Variants in BCAT1 observed in about 807,000 individuals in gnomAD.
The protein encoded by BCAT1 is branched-chain-amino-acid aminotransferase, cytosolic.
A neutral mutation model predicts 52.4 loss-of-function variants in BCAT1; 48 were observed. The ratio of observed to expected loss-of-function variants is 0.92; its 90% confidence interval spans 0.73 to 1.16. The LOEUF (loss-of-function observed/expected upper bound fraction) is 1.16, where lower values mean the gene tolerates loss of function less well. BCAT1 is among the 50% of genes most tolerant of loss of function. BCAT1 has a pLI of 0.00. For missense variants in BCAT1, 451 were observed against 457.1 expected (o/e 0.99, Z 0.12); for synonymous variants, 167 against 161.3 (o/e 1.04, Z -0.27).
chr12:24,845,388 G>T (rs1941314674), intron 6 of BCAT1, among the ~76,000 whole-genome samples: 1 of 152,134 alleles, frequency 6.6e-6, no homozygotes, highest in Non-Finnish European at 1.5e-5. Flanking sequence ...AAAGACAACA[G>T]ATAGGAAGCT....
chr12:24,911,136 T>G (rs1943319061), intron 1 of BCAT1, among the ~76,000 whole-genome samples: 1 of 152,152 alleles, frequency 6.6e-6, no homozygotes, highest in Non-Finnish European at 1.5e-5. Flanking sequence ...TTAGTTATCA[T>G]GAAAAACATG....
intron 6 of BCAT1, among the ~76,000 whole-genome samples, chr12:24,846,907 G>A (rs1321532722): frequency 6.6e-6 from 1 of 152,120 alleles, no homozygotes; most frequent in Non-Finnish European, 1.5e-5. Flanking sequence ...AACAACCCTA[G>A]ACTTTATTGT....
intron 1 of BCAT1, among the ~76,000 whole-genome samples, chr12:24,912,583 G>A (rs4963820): frequency 0.32 from 48,568 of 151,564 alleles, 9,118 homozygotes; most frequent in Middle Eastern, 0.52. Flanking sequence ...GAGAAAATGG[G>A]GCCGGGCGTG....
At chr12:24,925,408 T>A (rs1419459167) in intron 1 of BCAT1, among the ~76,000 whole-genome samples, 2 of 151,900 alleles carry the variant, frequency 1.3e-5, no homozygotes, top group African/African-American at 4.8e-5. Flanking sequence ...TTAAAATAAA[T>A]CTCTCTCTCT....
At chr12:24,870,004 ATGTGTG>A (rs539712345) in intron 5 of BCAT1, among the ~76,000 whole-genome samples, 1 of 141,270 alleles carries the variant, frequency 7.1e-6, no homozygotes, top group Admixed American at 6.9e-5. Flanking sequence ...GTGTGTATAT[ATGTGTG>A]TGTGTGTGTG....
chr12:24,843,931 G>A (rs1307654195), intron 6 of BCAT1, among the ~76,000 whole-genome samples: 1 of 152,060 alleles, frequency 6.6e-6, no homozygotes, highest in African/African-American at 2.4e-5. Context: ...TGTAAAACTG[G>A]GGTCGGCTGT....
chr12:24,847,563 T>A (rs898688617), intron 6 of BCAT1, among the ~76,000 whole-genome samples: 1 of 152,036 alleles, frequency 6.6e-6, no homozygotes, highest in Non-Finnish European at 1.5e-5. Flanking sequence ...CTAAGAGAGA[T>A]AATTTGTGTG....
chr12:24,840,819 T>C (rs1941150853), intron 7 of BCAT1, among the ~76,000 whole-genome samples: 1 of 152,224 alleles, frequency 6.6e-6, no homozygotes, highest in Non-Finnish European at 1.5e-5. Context: ...AAAAATTTAA[T>C]TGAAACTACT....
intron 6 of BCAT1, among the ~76,000 whole-genome samples, chr12:24,844,180 C>G (rs542479209): frequency 3.9e-5 from 6 of 152,292 alleles, no homozygotes; most frequent in African/African-American, 1.2e-4. Context: ...GTAATCCCAG[C>G]ACTTTGGGAG....
At position 24,836,938 on chromosome 12, in the gene BCAT1, GA is replaced by G. The variant is rs1189086104; in HGVS notation, c.818-343del. Among the ~76,000 whole-genome samples, 19 of 103,640 alleles carry G rather than the reference GA, an allele frequency of 1.8e-4. 1 individual carries two copies. The highest frequency in any genetic ancestry group is 6.4e-4 in the African/African-American group (19 of 29,506). 68.0% of individuals were successfully genotyped at this position (103,640 alleles called of 152,430 possible). ...AGAAAGAAAGAAAGAAAGAAAGAAAGAAAGAAAGAAAGAAAGAAAAGAGAAA... is the reference window on the plus strand; with the variant it reads ...AGAAAGAAAGAAAGAAAGAAAGAAAGAAGAAAGAAAGAAAGAAAAGAGAAA... On this transcript the variant is annotated intron_variant, in intron 7 of 10. Transcript: ENST00000261192.
intron 4 of BCAT1, among the ~76,000 whole-genome samples, chr12:24,880,905 C>T (rs1942475014): frequency 6.6e-6 from 1 of 150,660 alleles, no homozygotes; most frequent in African/African-American, 2.4e-5. Context: ...ATGTGATTAT[C>T]TTGGCTCACT....
rs1443786151 is a variant in BCAT1 at position 24,914,098 on chromosome 12, T to TC, written c.7-12214_7-12213insG. Among the ~76,000 whole-genome samples the TC allele has an allele frequency of 1.2e-3, 187 of 151,406 alleles. 1 individual carries two copies. Among genetic ancestry groups the TC allele is most frequent in the African/African-American group, 4.4e-3 (182 of 41,326 alleles). On this transcript the variant is annotated intron_variant, in intron 1 of 10. Coordinates refer to ENST00000261192, the MANE Select transcript of BCAT1 (RefSeq NM_005504.7). ...GGTAGATTATCTTTTTTTTTTTTTT[T>TC]TGAGATGGGGTCTCACTGTATTGCC...
intron 1 of BCAT1, among the ~76,000 whole-genome samples, chr12:24,914,004 T>C (rs1408898061): frequency 6.6e-6 from 1 of 151,958 alleles, no homozygotes; most frequent in Non-Finnish European, 1.5e-5. Context: ...ATGGCTAGCC[T>C]CAAGGGAGAA....
At chr12:24,871,099 C>T (rs969850208) in intron 5 of BCAT1, among the ~76,000 whole-genome samples, 6 of 151,846 alleles carry the variant, frequency 4.0e-5, no homozygotes, top group African/African-American at 1.2e-4. Flanking sequence ...CAAGTGGGGT[C>T]ACTTCTGATG....
chr12:24,942,311 C>A (rs1208037999), intron 1 of BCAT1, among the ~76,000 whole-genome samples: 1 of 151,994 alleles, frequency 6.6e-6, no homozygotes, highest in Non-Finnish European at 1.5e-5. Context: ...GAGGCCAAGG[C>A]GGGCGGATCA....
At chr12:24,875,398 TATAA>T (rs1942305069) in intron 5 of BCAT1, among the ~76,000 whole-genome samples, 1 of 152,212 alleles carries the variant, frequency 6.6e-6, no homozygotes, top group Non-Finnish European at 1.5e-5. Context: ...ACCAACCAAA[TATAA>T]ATAATGTCGG....
intron 1 of BCAT1, chr12:24,902,421 A>G (rs1306024050): frequency 1.1e-5 from 12 of 1,062,410 alleles, no homozygotes; most frequent in African/African-American, 5.0e-5. Context: ...TTAGTGGGCA[A>G]TTTAAAAGAT....
chr12:24,842,117 A>T lies in BCAT1; in HGVS notation c.782T>A (p.Met261Lys). ...EDHQITEVGT[M>K]NLFLYWINED... is the part of the protein sequence containing the mutation. ...ATTTATCCAGTAAAGAAAAAGATTC[A>T]TAGTTCCCACTTCAGTGATCTGATG... The change falls in exon 7 of 11, where the codon ATG (methionine) becomes AAG (lysine). Residue 261 changes from methionine to lysine, a missense_variant. Physicochemically the swap from Met to Lys is moderately conservative, Grantham distance 95. Coordinates refer to ENST00000261192, the MANE Select transcript of BCAT1 (RefSeq NM_005504.7). 6.2e-7 allele frequency: 1 copy of T among 1,613,938 alleles called. No individual in the cohort carries two copies.
At position 24,881,275 on chromosome 12, in the gene BCAT1, C is replaced by G. The variant is rs776556442; in HGVS notation, c.390+26G>C. On this transcript the variant is annotated intron_variant, in intron 4 of 10. Coordinates refer to ENST00000261192, the MANE Select transcript of BCAT1 (RefSeq NM_005504.7). ...GTGACCCGTTACATTAAAAGAAACA[C>G]AAAAGAAACTCCTACACTTACATAC... 2.6e-6 allele frequency: 4 copies of G among 1,517,624 alleles called. No homozygotes were observed. The Admixed American group carries it at 5.5e-5, about 21-fold the overall frequency. 94.0% of individuals were successfully genotyped at this position (1,517,624 alleles called of 1,614,324 possible).
Sources: gnomAD v4.1 joint callset for allele counts (sites outside exome capture counted in the v4.1 genomes callset) on GRCh38, gnomAD v4.1.1 for gene constraint, MANE v1.5 for transcripts, NCBI Gene and HGNC (gene_info 2026-07-23, HGNC 2026-07-21) for gene names.